The following DPP8 variants were observed in gnomAD, a reference collection of about 807,000 sequenced individuals.
The protein encoded by DPP8 is dipeptidyl peptidase 8, also known as DPP VIII.
A neutral mutation model predicts 107.5 loss-of-function variants in DPP8; 31 were observed. The observed-to-expected ratio is 0.29, with a 90% CI of 0.22 to 0.39. The LOEUF (loss-of-function observed/expected upper bound fraction) is 0.39. Ranked by LOEUF, DPP8 falls within the 10% of genes least tolerant of loss-of-function variation. The pLI, the probability that DPP8 is intolerant of heterozygous loss-of-function variation, is 1.00. For missense variants in DPP8, 842 were observed against 1,076.1 expected (o/e 0.78, Z 3.04); for synonymous variants, 381 against 356.6 (o/e 1.07, Z -0.77).
At chr15:65,501,071 G>T (rs2069181843) in intron 3 of DPP8, among the ~76,000 whole-genome samples, 1 of 151,908 alleles carries the variant, frequency 6.6e-6, no homozygotes, top group East Asian at 1.9e-4. Context: ...TAGAGACGGG[G>T]TTTCACCGTG....
chr15:65,514,676 A>C (rs940891645), intron 1 of DPP8, among the ~76,000 whole-genome samples: 1 of 151,910 alleles, frequency 6.6e-6, no homozygotes, highest in African/African-American at 2.4e-5. Flanking sequence ...GTGCCCAGTT[A>C]ATTTTTGTAT....
chr15:65,495,001 A>C (rs916660200), intron 5 of DPP8, among the ~76,000 whole-genome samples: 2 of 152,136 alleles, frequency 1.3e-5, no homozygotes, highest in African/African-American at 4.8e-5. Context: ...CAACTGTTAA[A>C]AACCTTTCCA....
At chr15:65,477,060 G>A (rs1249523332) in intron 11 of DPP8, among the ~76,000 whole-genome samples, 1 of 152,144 alleles carries the variant, frequency 6.6e-6, no homozygotes, top group African/African-American at 2.4e-5. Context: ...CTATTTAATG[G>A]ATAGTTTCAG....
chr15:65,517,469 G>T lies in DPP8; in HGVS notation c.-12+17C>A, dbSNP rs1322500484. On this transcript the variant is annotated intron_variant, in intron 1 of 19. Coordinates refer to ENST00000300141, the MANE Select transcript of DPP8 (RefSeq NM_130434.5). ...CCTCGCCGGCGCAGGAGAAGGAGAA[G>T]GGGGCGGATACTGCACCTTCCCCCC... 6.5e-6 allele frequency: 1 copy of T among 152,712 alleles called. No individual in the cohort carries two copies. The highest frequency in any genetic ancestry group is 1.5e-5 in the Non-Finnish European group (1 of 68,440). 9.5% of individuals were successfully genotyped at this position (152,712 alleles called of 1,614,324 possible). A position where few individuals can be genotyped will look rare whatever the true frequency, so the allele number is the denominator to read the frequency against.
Position 65,446,896 on chromosome 15 carries a change from T to C in DPP8, c.2637A>G (p.Leu879=), listed in dbSNP as rs761261597. 19 of 1,611,700 alleles carry C rather than the reference T, an allele frequency of 1.2e-5. No individual in the cohort carries two copies. In the African/African-American group the frequency reaches 2.4e-4, roughly 20 times the overall value. Reference sequence around the variant, plus strand: ...ACACAGGTCAAAATTATATCACTTTTAGAGCAGCAATACGTGATCCAAGGT... The same window carrying C: ...ACACAGGTCAAAATTATATCACTTTCAGAGCAGCAATACGTGATCCAAGGT... The part of the protein sequence containing the change: ...QENLGSRIAA[L]KVI Residue 879 remains leucine (L), a synonymous_variant, in exon 20 of 20, where the codon CTA becomes CTG. Transcript: ENST00000300141.
Position 65,500,784 on chromosome 15 carries a change from T to A in DPP8, c.373-5A>T, listed in dbSNP as rs750694283. 11 of 1,603,544 alleles carry A rather than the reference T, an allele frequency of 6.9e-6. No individual in the cohort carries two copies. Among genetic ancestry groups the A allele is most frequent in the African/African-American group, 5.4e-5 (4 of 74,648 alleles). The stretch of plus-strand genomic sequence containing the variant: ...CATTCCATAGTCCAGTGTTGCCTAA[T>A]GTGAAAGGAAAGTCACCTATTCCAG... On this transcript the variant is annotated splice_polypyrimidine_tract_variant and splice_region_variant and intron_variant, in intron 3 of 19. Transcript: ENST00000300141.
At chr15:65,508,279 C>G (rs927624795) in intron 2 of DPP8, among the ~76,000 whole-genome samples, 1 of 151,902 alleles carries the variant, frequency 6.6e-6, no homozygotes, top group Non-Finnish European at 1.5e-5. Flanking sequence ...ATTAATAAGA[C>G]CTTTAGGGTT....
intron 7 of DPP8, among the ~76,000 whole-genome samples, chr15:65,487,331 T>C (rs537433524): frequency 9.2e-5 from 14 of 152,202 alleles, no homozygotes; most frequent in African/African-American, 3.4e-4. Flanking sequence ...GTATTTTTAG[T>C]AAAGATGGGG....
intron 2 of DPP8, among the ~76,000 whole-genome samples, chr15:65,510,445 G>A (rs919064853): frequency 4.6e-5 from 7 of 151,526 alleles, no homozygotes; most frequent in African/African-American, 1.7e-4. Context: ...GGGTTGGGTG[G>A]AAAAAGAACT....
At chr15:65,452,307 C>T (rs957693842) in intron 17 of DPP8, among the ~76,000 whole-genome samples, 2 of 152,114 alleles carry the variant, frequency 1.3e-5, no homozygotes, top group African/African-American at 4.8e-5. Context: ...TTTCATGTTC[C>T]ATGGGCATTC....
intron 16 of DPP8, chr15:65,455,600 C>T: frequency 9.3e-7 from 1 of 1,074,316 alleles, no homozygotes. Flanking sequence ...CCTGCCAGTG[C>T]ACGCAATCTC....
intron 5 of DPP8, among the ~76,000 whole-genome samples, chr15:65,495,393 C>T (rs2068481101): frequency 6.6e-6 from 1 of 151,806 alleles, no homozygotes; most frequent in South Asian, 2.1e-4. Flanking sequence ...CACTTGAGGT[C>T]AGGAGTTCAA....
rs1362856712 is a variant in DPP8 at position 65,448,904 on chromosome 15, A to C, written c.2527-1898T>G. Among the ~76,000 whole-genome samples the C allele has an allele frequency of 3.6e-3, 293 of 81,802 alleles. 17 individuals carry two copies. Among genetic ancestry groups the C allele is most frequent in the African/African-American group, 0.014 (284 of 20,798 alleles). 53.7% of individuals were successfully genotyped at this position (81,802 alleles called of 152,430 possible). On this transcript the variant is annotated intron_variant, in intron 19 of 19. Transcript: ENST00000300141. Reference sequence around the variant, plus strand: ...TATATATATATATATATATATATATATATATATATATATATATATTTAGCC... The same window carrying C: ...TATATATATATATATATATATATATCTATATATATATATATATATTTAGCC...
chr15:65,483,158 T>G (rs1244174499), intron 8 of DPP8, among the ~76,000 whole-genome samples: 1 of 151,628 alleles, frequency 6.6e-6, no homozygotes, highest in Non-Finnish European at 1.5e-5. Context: ...ATAGTAAATA[T>G]AATGGACAAG....
chr15:65,500,746 C>G lies in DPP8; in HGVS notation c.406G>C (p.Glu136Gln). The change falls in exon 4 of 20, where the codon GAA (glutamate) becomes CAA (glutamine). Residue 136 changes from glutamate (E) to glutamine (Q), a missense_variant. Coordinates refer to ENST00000300141, the MANE Select transcript of DPP8 (RefSeq NM_130434.5). ...TLDYGMYSRE[E>Q]ELLRERKRIG... is the part of the protein sequence containing the mutation. ...CGTTTTCTTTCTCTTAATAGTTCTT[C>G]TTCTCGAGAATACATTCCATAGTCC... 6.2e-7 allele frequency: 1 copy of G among 1,614,000 alleles called. No homozygotes were observed. The highest frequency in any genetic ancestry group is 1.1e-5 in the South Asian group (1 of 91,084).
At chr15:65,497,828 T>G (rs780400554) in intron 5 of DPP8, 36 bp downstream of exon 5, 1 of 1,385,000 alleles carries the variant, frequency 7.2e-7, no homozygotes, top group South Asian at 2.0e-5. Context: ...CAAAAAATAC[T>G]GTTCAGAAAA....
intron 5 of DPP8, 127 bp downstream of exon 5, chr15:65,497,732 TAAAAA>T: frequency 1.6e-6 from 1 of 620,154 alleles, no homozygotes. Context: ...CTCCATTTTT[TAAAAA>T]TTTTAAAGAC....
At chr15:65,514,703 G>C (rs192953263) in intron 1 of DPP8, among the ~76,000 whole-genome samples, 9 of 152,210 alleles carry the variant, frequency 5.9e-5, no homozygotes, top group Non-Finnish European at 2.9e-5. Context: ...GTAGAGACGG[G>C]GTTTCACCAT....
In DPP8 at chr15:65,444,895, CA is replaced by C; in HGVS notation, c.*1988del. ...GCCAGTTAGTCCAAACAAAACAAAA[CA>C]AAACAAAACAAAACACCCTCCACAG... On this transcript the variant is annotated 3_prime_UTR_variant, in exon 20 of 20. Transcript: ENST00000300141. 6.6e-6 allele frequency: 1 copy of C among 152,106 alleles called. No homozygotes were observed. The highest frequency in any genetic ancestry group is 2.4e-5 in the African/African-American group (1 of 41,462). 9.4% of individuals were successfully genotyped at this position (152,106 alleles called of 1,614,324 possible).
Sources: allele counts gnomAD v4.1 joint callset (sites outside exome capture counted in the v4.1 genomes callset), GRCh38; gene constraint gnomAD v4.1.1; transcripts MANE v1.5; gene names NCBI Gene and HGNC (gene_info 2026-07-23, HGNC 2026-07-21).